The following ARHGAP42 variants were observed in gnomAD, a reference collection of about 807,000 sequenced individuals.
ARHGAP42 encodes the protein Rho GTPase activating protein 42, also known as rho GTPase-activating protein 42.
Under a neutral mutation model 125.0 loss-of-function variants are expected in ARHGAP42, and 63 were observed. The ratio of observed to expected loss-of-function variants is 0.50; its 90% CI spans 0.41 to 0.62. The LOEUF is 0.62. ARHGAP42 is among the 20% of genes least tolerant of loss of function. The pLI is 0.00. For missense variants in ARHGAP42, 766 were observed against 1,024.2 expected, an observed-to-expected ratio of 0.75 and a Z score of 3.44; for synonymous variants, 339 against 351.0, an observed-to-expected ratio of 0.97 and a Z score of 0.38.
intron 4 of ARHGAP42, among the ~76,000 whole-genome samples, chr11:100,862,595 C>T (rs1018648284): frequency 1.6e-4 from 25 of 152,034 alleles, no homozygotes; most frequent in African/African-American, 5.3e-4. Context: ...GAAATGAAGC[C>T]GGTCTTGAGC....
chr11:100,728,707 A>C, intron 1 of ARHGAP42, among the ~76,000 whole-genome samples: 1 of 99,508 alleles, frequency 1.0e-5, no homozygotes, highest in Non-Finnish European at 1.9e-5. Flanking sequence ...TATATGAATG[A>C]CTTTGCGTAT....
rs576714631 is a variant in ARHGAP42 at position 100,820,302 on chromosome 11, C to T, written c.312+25136C>T. On this transcript the variant is annotated intron_variant, in intron 3 of 23. Transcript: ENST00000298815. Reference sequence around the variant, plus strand: ...GCCAGAAGTCAATGAAGTCTGAAGTCACCATATAATGTTCTTAGGGTTTTT... The same window carrying T: ...GCCAGAAGTCAATGAAGTCTGAAGTTACCATATAATGTTCTTAGGGTTTTT... Among the ~76,000 whole-genome samples the T allele has an allele frequency of 2.0e-5, 3 of 152,150 alleles. No individual in the cohort carries two copies. In the East Asian group the frequency reaches 5.8e-4, roughly 29 times the overall value.
intron 2 of ARHGAP42, among the ~76,000 whole-genome samples, chr11:100,779,546 A>G (rs1399371666): frequency 2.1e-5 from 3 of 142,026 alleles, no homozygotes; most frequent in African/African-American, 5.6e-5. Context: ...ATACGTATAT[A>G]TATACATATA....
chr11:100,736,318 G>A (rs1437378962), intron 1 of ARHGAP42, among the ~76,000 whole-genome samples: 2 of 152,140 alleles, frequency 1.3e-5, no homozygotes, highest in Non-Finnish European at 2.9e-5. Context: ...TTATATGGAT[G>A]CATGCCGGGG....
chr11:100,775,055 G>A (rs1377708914), intron 2 of ARHGAP42, among the ~76,000 whole-genome samples: 1 of 152,000 alleles, frequency 6.6e-6, no homozygotes, highest in South Asian at 2.1e-4. Flanking sequence ...TCATTGAAGA[G>A]CATCAAGAGG....
intron 1 of ARHGAP42, among the ~76,000 whole-genome samples, chr11:100,727,702 T>C (rs962466751): frequency 6.6e-6 from 1 of 152,142 alleles, no homozygotes; most frequent in Non-Finnish European, 1.5e-5. Flanking sequence ...GACAGAAGCT[T>C]GGGACTCTTC....
intron 4 of ARHGAP42, among the ~76,000 whole-genome samples, chr11:100,903,326 T>C (rs1379837423): frequency 6.6e-6 from 1 of 152,164 alleles, no homozygotes; most frequent in African/African-American, 2.4e-5. Flanking sequence ...GTACTTGTTA[T>C]AAGTTGTCTA....
chr11:100,708,939 GTAAT>G (rs750315031), intron 1 of ARHGAP42, among the ~76,000 whole-genome samples: 1 of 152,174 alleles, frequency 6.6e-6, no homozygotes, highest in Non-Finnish European at 1.5e-5. Flanking sequence ...ACAATGTACT[GTAAT>G]TAAAGTTACA....
intron 22 of ARHGAP42, among the ~76,000 whole-genome samples, chr11:100,979,709 T>TG (rs1221800999): frequency 1.3e-5 from 2 of 152,016 alleles, no homozygotes; most frequent in Admixed American, 6.6e-5. Context: ...TTATTTTTTT[T>TG]TTTTACTATC....
intron 1 of ARHGAP42, among the ~76,000 whole-genome samples, chr11:100,762,790 C>A (rs1173123844): frequency 6.6e-6 from 1 of 152,016 alleles, no homozygotes; most frequent in Non-Finnish European, 1.5e-5. Flanking sequence ...TGAGAGCACA[C>A]TAAAAACGTA....
intron 1 of ARHGAP42, among the ~76,000 whole-genome samples, chr11:100,728,755 T>TATATATATATATATAC (rs1364139152): frequency 5.5e-5 from 6 of 108,728 alleles, no homozygotes; most frequent in Non-Finnish European, 1.0e-4. Flanking sequence ...TATATATATA[T>TATATATATATATATAC]ATGCACACTT....
At chr11:100,725,934 C>CAAAAA (rs57899188) in intron 1 of ARHGAP42, among the ~76,000 whole-genome samples, 7 of 99,268 alleles carry the variant, frequency 7.1e-5, no homozygotes, top group East Asian at 3.2e-4. Context: ...GACTCCGTCT[C>CAAAAA]AAAAAAAAAA....
chr11:100,729,154 A>G (rs1861913940), intron 1 of ARHGAP42, among the ~76,000 whole-genome samples: 1 of 152,144 alleles, frequency 6.6e-6, no homozygotes, highest in South Asian at 2.1e-4. Context: ...CAAACCATTT[A>G]CTTTTAGGCT....
rs1242411204 is a variant in ARHGAP42, at chr11:100,827,624, A to G, written c.313-31930A>G. On this transcript the variant is annotated intron_variant, in intron 3 of 23. Transcript: ENST00000298815. ...GAGGCTGTGGGGAATACCATGGGGT[A>G]TAGAAGCTGAGGGGTAAGGTGTGGC... 2.6e-5 allele frequency among the ~76,000 whole-genome samples: 4 copies of G among 152,218 alleles called. No homozygotes were observed. In the East Asian group the frequency reaches 5.8e-4, roughly 22 times the overall value.
At chr11:100,811,817 T>C (rs1300925695) in intron 3 of ARHGAP42, among the ~76,000 whole-genome samples, 1 of 152,128 alleles carries the variant, frequency 6.6e-6, no homozygotes, top group African/African-American at 2.4e-5. Context: ...CTTGATTTGA[T>C]TGTCTTCTGT....
chr11:100,785,568 T>C (rs957946429), intron 2 of ARHGAP42, among the ~76,000 whole-genome samples: 2 of 152,098 alleles, frequency 1.3e-5, no homozygotes, highest in African/African-American at 4.8e-5. Flanking sequence ...ATGTTGAGGC[T>C]TCACTAGGGT....
intron 4 of ARHGAP42, among the ~76,000 whole-genome samples, chr11:100,903,156 C>CACACACACACACACACACACACA (rs10524538): frequency 6.6e-6 from 1 of 150,800 alleles, no homozygotes; most frequent in Non-Finnish European, 1.5e-5. Flanking sequence ...CACACACACA[C>CACACACACACACACACACACACA]CAAGCTTTAG....
Position 100,993,638 on chromosome 11 carries a change from A to G in ARHGAP42, c.*4837A>G, listed in dbSNP as rs1216471686. The G allele has an allele frequency of 6.0e-6, 1 of 167,078 alleles. No homozygotes were observed. Among genetic ancestry groups the G allele is most frequent in the Non-Finnish European group, 1.5e-5 (1 of 68,112 alleles). 10.3% of individuals were successfully genotyped at this position (167,078 alleles called of 1,614,324 possible). On this transcript the variant is annotated 3_prime_UTR_variant, in exon 24 of 24. Coordinates refer to ENST00000298815, the MANE Select transcript of ARHGAP42 (RefSeq NM_152432.4). The stretch of plus-strand genomic sequence containing the variant: ...ATACTGTTAAAATTTGAGGTACTGT[A>G]GTTTATATAAAAGTCGGATGTTAAG...
chr11:100,962,025 T>G (rs931292781), intron 15 of ARHGAP42, among the ~76,000 whole-genome samples: 2 of 152,220 alleles, frequency 1.3e-5, no homozygotes, highest in Non-Finnish European at 2.9e-5. Flanking sequence ...CATATGTATA[T>G]GGGATTTTTA....
Sources: allele counts gnomAD v4.1 joint callset (sites outside exome capture counted in the v4.1 genomes callset), GRCh38; gene constraint gnomAD v4.1.1; transcripts MANE v1.5; gene names NCBI Gene and HGNC (gene_info 2026-07-23, HGNC 2026-07-21).